The following CLASP1 variants were observed in gnomAD, a reference collection of about 807,000 sequenced individuals.
CLASP1 encodes cytoplasmic linker associated protein 1, also known as CLIP-associating protein 1.
A neutral mutation model predicts 192.3 loss-of-function variants in CLASP1; 38 were observed. The ratio of observed to expected loss-of-function variants is 0.20; its 90% CI spans 0.15 to 0.26. The LOEUF is 0.26. Ranked by LOEUF, CLASP1 falls within the 10% of genes least tolerant of loss-of-function variation. The pLI, the probability that CLASP1 is intolerant of heterozygous loss-of-function variation, is 1.00. For synonymous variants in CLASP1, 691 were observed against 712.8 expected (o/e 0.97, Z 0.49); for missense variants, 1,433 against 1,932.5 (o/e 0.74, Z 4.85).
chr2:121,591,171 A>G (rs547372948), intron 2 of CLASP1, among the ~76,000 whole-genome samples: 2,087 of 143,916 alleles, frequency 0.015, 43 homozygotes, highest in African/African-American at 0.056. Context: ...CGGCCAAATT[A>G]TTTGATTTTT....
At chr2:121,439,655 T>C (rs1279684869) in intron 19 of CLASP1, among the ~76,000 whole-genome samples, 1 of 152,010 alleles carries the variant, frequency 6.6e-6, no homozygotes, top group African/African-American at 2.4e-5. Context: ...TGCGGCATTA[T>C]TCACAATAGC....
At chr2:121,500,334 GA>G (rs2093693907) in intron 8 of CLASP1, among the ~76,000 whole-genome samples, 1 of 123,492 alleles carries the variant, frequency 8.1e-6, no homozygotes, top group South Asian at 2.7e-4. Context: ...GAGAAAGAAG[GA>G]AAGAAAGAAA....
At chr2:121,347,284 A>C (rs1280179180) in intron 38 of CLASP1, 130 bp from the exon 40 acceptor site, 1 of 641,390 alleles carries the variant, frequency 1.6e-6, no homozygotes, top group Non-Finnish European at 2.8e-6. Context: ...ACCAGGATAG[A>C]CCTCAGCCCC....
intron 1 of CLASP1, among the ~76,000 whole-genome samples, chr2:121,646,668 C>A (rs955455914): frequency 2.0e-5 from 3 of 152,044 alleles, no homozygotes; most frequent in African/African-American, 7.2e-5. Context: ...AAGTCTCAGG[C>A]CCAAGAAGCC....
chr2:121,522,068 G>A (rs1314889364), intron 6 of CLASP1, among the ~76,000 whole-genome samples: 1 of 152,184 alleles, frequency 6.6e-6, no homozygotes, highest in Non-Finnish European at 1.5e-5. Context: ...TATCGGGGAG[G>A]TAGGTGGCAG....
chr2:121,502,325 A>C (rs1047628134), intron 8 of CLASP1, among the ~76,000 whole-genome samples: 1 of 152,228 alleles, frequency 6.6e-6, no homozygotes, highest in East Asian at 1.9e-4. Context: ...TCATGAGTAA[A>C]CACATATTTT....
intron 25 of CLASP1, 144 bp downstream of exon 26, chr2:121,407,327 A>T: frequency 1.2e-6 from 1 of 848,098 alleles, no homozygotes; most frequent in Non-Finnish European, 1.8e-6. Context: ...TGGTACCTTT[A>T]GTGCCTGTTC....
chr2:121,448,357 T>C (rs372160454), intron 17 of CLASP1, 32 bp from the exon 18 acceptor site: 4 of 1,469,996 alleles, frequency 2.7e-6, no homozygotes, highest in Non-Finnish European at 3.8e-6. Flanking sequence ...ATTTATTACA[T>C]GTACTGTACC....
chr2:121,580,989 T>A (rs924879356), intron 2 of CLASP1, among the ~76,000 whole-genome samples: 1 of 152,158 alleles, frequency 6.6e-6, no homozygotes, highest in Non-Finnish European at 1.5e-5. Context: ...CCTCAATCAG[T>A]CAAAAAGCAT....
intron 14 of CLASP1, among the ~76,000 whole-genome samples, chr2:121,456,930 A>G (rs550557327): frequency 8.5e-5 from 13 of 152,340 alleles, no homozygotes; most frequent in African/African-American, 2.9e-4. Flanking sequence ...AGTGGTATTC[A>G]TGAATTCCCT....
chr2:121,470,055 CT>C, intron 8 of CLASP1, 95 bp from the exon 9 acceptor site: 4 of 1,010,488 alleles, frequency 4.0e-6, no homozygotes, highest in Non-Finnish European at 4.3e-6. Context: ...AACAATTAGT[CT>C]TCGAGACTGA....
At chr2:121,412,124 A>C (rs988368027) in intron 23 of CLASP1, among the ~76,000 whole-genome samples, 6 of 152,216 alleles carry the variant, frequency 3.9e-5, no homozygotes, top group Non-Finnish European at 8.8e-5. Context: ...AAACTGGTGA[A>C]CTTAAAAAGT....
intron 35 of CLASP1, among the ~76,000 whole-genome samples, chr2:121,366,514 T>C (rs2067442272): frequency 6.6e-6 from 1 of 152,248 alleles, no homozygotes; most frequent in African/African-American, 2.4e-5. Context: ...GTGCCCCGAC[T>C]GGATCTGGCA....
At chr2:121,561,265 A>C (rs2059061649) in intron 2 of CLASP1, among the ~76,000 whole-genome samples, 1 of 152,234 alleles carries the variant, frequency 6.6e-6, no homozygotes, top group Non-Finnish European at 1.5e-5. Flanking sequence ...GGTATACTAT[A>C]GGTTTGATCT....
intron 1 of CLASP1, among the ~76,000 whole-genome samples, chr2:121,632,986 G>A (rs75514088): frequency 0.051 from 6,364 of 124,536 alleles, 279 homozygotes; most frequent in East Asian, 0.21. Context: ...GTGTGTGTGT[G>A]TATATATATG....
At chr2:121,412,094 G>GCAA (rs1416342959) in intron 23 of CLASP1, among the ~76,000 whole-genome samples, 1 of 152,120 alleles carries the variant, frequency 6.6e-6, no homozygotes, top group East Asian at 1.9e-4. Flanking sequence ...TTTTAGATAT[G>GCAA]CAACAAGACA....
At chr2:121,629,665 C>T (rs1040064940) in intron 1 of CLASP1, among the ~76,000 whole-genome samples, 16 of 151,766 alleles carry the variant, frequency 1.1e-4, no homozygotes, top group Admixed American at 2.0e-4. Context: ...GTGGCAGGCA[C>T]CTGTAATCCC....
intron 39 of CLASP1, among the ~76,000 whole-genome samples, chr2:121,342,071 C>T (rs2062846225): frequency 6.6e-6 from 1 of 151,684 alleles, no homozygotes; most frequent in African/African-American, 2.4e-5. Context: ...CTTAAACAAC[C>T]AATGAGTAAA....
At chr2:121,376,695 G>A (rs72967321) in intron 34 of CLASP1, among the ~76,000 whole-genome samples, 1 of 152,118 alleles carries the variant, frequency 6.6e-6, no homozygotes, top group Non-Finnish European at 1.5e-5. Context: ...GTGAGCAGTG[G>A]GCAAGTGAGT....
Sources: allele counts gnomAD v4.1 joint callset (sites outside exome capture counted in the v4.1 genomes callset), GRCh38; gene constraint gnomAD v4.1.1; transcripts MANE v1.5; gene names NCBI Gene and HGNC (gene_info 2026-07-23, HGNC 2026-07-21).